Variants in IL6ST observed in about 807,000 individuals in gnomAD.
IL6ST encodes the protein interleukin-6 receptor subunit beta.
A neutral mutation model predicts 91.3 loss-of-function variants in IL6ST; 24 were observed. The observed-to-expected ratio is 0.26, with a 90% CI of 0.19 to 0.37. The LOEUF (loss-of-function observed/expected upper bound fraction) is 0.37, where lower values mean the gene tolerates loss of function less well. Ranked by LOEUF, IL6ST falls within the 10% of genes least tolerant of loss-of-function variation. The pLI, the probability that IL6ST is intolerant of heterozygous loss-of-function variation, is 1.00. For missense variants in IL6ST, 914 were observed against 1,078.5 expected (o/e 0.85, Z 2.14); for synonymous variants, 351 against 373.6 (o/e 0.94, Z 0.70).
rs148369927 is a variant in IL6ST, at chr5:55,940,578, A to T, written c.*504T>A. On this transcript the variant is annotated 3_prime_UTR_variant, in exon 17 of 17. Coordinates refer to ENST00000381298, the MANE Select transcript of IL6ST (RefSeq NM_002184.4). ...CCTCATTTTTTTGTCAGATTACAAA[A>T]GCTGGGCTCATGTAGTTATGGCCTA... The T allele has an allele frequency of 2.1e-3, 455 of 213,778 alleles. 6 individuals carry two copies. Among genetic ancestry groups the T allele is most frequent in the African/African-American group, 8.1e-3 (359 of 44,358 alleles). 13.2% of individuals were successfully genotyped at this position (213,778 alleles called of 1,614,324 possible). A position where few individuals can be genotyped will look rare whatever the true frequency, so the allele number is the denominator to read the frequency against.
At chr5:55,990,387 C>T (rs1253154690) in intron 1 of IL6ST, among the ~76,000 whole-genome samples, 1 of 152,178 alleles carries the variant, frequency 6.6e-6, no homozygotes, top group African/African-American at 2.4e-5. Context: ...TGAATTTCTC[C>T]TATATCCTGG....
chr5:55,944,775 C>G (rs1287220548), intron 15 of IL6ST: 4 of 776,466 alleles, frequency 5.2e-6, no homozygotes, highest in Non-Finnish European at 8.7e-6. Flanking sequence ...GGAGCAGAAA[C>G]ATGGAATGCC....
intron 11 of IL6ST, among the ~76,000 whole-genome samples, chr5:55,952,799 C>G (rs189965573): frequency 6.6e-6 from 1 of 152,282 alleles, no homozygotes; most frequent in Admixed American, 6.5e-5. Context: ...CTGTGGCTCA[C>G]GTCTGTAATC....
chr5:55,954,764 G>T, intron 11 of IL6ST, 46 bp downstream of exon 11: 2 of 1,437,022 alleles, frequency 1.4e-6, no homozygotes, highest in Non-Finnish European at 1.9e-6. Flanking sequence ...GCTGCCTAAA[G>T]AGTTAGAAAA....
At position 55,936,232 on chromosome 5, in the gene IL6ST, C is replaced by T. The variant is rs1370297887; in HGVS notation, c.*4850G>A. 8.9e-6 allele frequency: 2 copies of T among 224,048 alleles called. No homozygotes were observed. Among genetic ancestry groups the T allele is most frequent in the African/African-American group, 4.5e-5 (2 of 44,710 alleles). The allele number at this position is 224,048 out of a possible 1,614,324, so 13.9% of individuals were successfully genotyped here. On this transcript the variant is annotated 3_prime_UTR_variant, in exon 17 of 17. Transcript: ENST00000381298. The stretch of plus-strand genomic sequence containing the variant: ...GATGCCATGTATCAATCTTGAACTT[C>T]AAGTCTCACTGCAACAAGGATGGAG...
chr5:55,989,260 A>G (rs142557341), intron 1 of IL6ST, among the ~76,000 whole-genome samples: 106 of 152,176 alleles, frequency 7.0e-4, no homozygotes, highest in African/African-American at 2.4e-3. Flanking sequence ...ACTCAAGTGT[A>G]TATAAGAATT....
intron 14 of IL6ST, among the ~76,000 whole-genome samples, chr5:55,947,794 C>T (rs957413355): frequency 2.0e-5 from 3 of 152,034 alleles, no homozygotes; most frequent in East Asian, 3.8e-4. Context: ...CCATTTATGT[C>T]TTATACATTA....
chr5:55,963,553 A>G (rs2111769139), intron 6 of IL6ST, 47 bp from the exon 7 acceptor site: 1 of 1,355,792 alleles, frequency 7.4e-7, no homozygotes. Flanking sequence ...TTCCAATTTC[A>G]TATACAAACT....
In IL6ST at chr5:55,938,700, T is replaced by A. The variant is rs1472551534; in HGVS notation, c.*2382A>T. The A allele has an allele frequency of 1.0e-5, 2 of 199,296 alleles. No homozygotes were observed. The highest frequency in any genetic ancestry group is 2.1e-5 in the Non-Finnish European group (2 of 96,542). 12.3% of individuals were successfully genotyped at this position (199,296 alleles called of 1,614,324 possible). On this transcript the variant is annotated 3_prime_UTR_variant, in exon 17 of 17. Coordinates refer to ENST00000381298, the MANE Select transcript of IL6ST (RefSeq NM_002184.4). Reference sequence around the variant, plus strand: ...CTACCTAAAGTACAATTTACATGCATCAACACATAGATTATTCTAAGACAT... The same window carrying A: ...CTACCTAAAGTACAATTTACATGCAACAACACATAGATTATTCTAAGACAT...
At chr5:55,976,380 G>T in intron 2 of IL6ST, 87 bp from the exon 3 acceptor site, 1 of 621,202 alleles carries the variant, frequency 1.6e-6, no homozygotes, top group Non-Finnish European at 2.6e-6. Context: ...CCATGCTGTA[G>T]CTGTGTTTCT....
Position 55,938,914 on chromosome 5 carries a change from G to GTTA in IL6ST, c.*2167_*2168insTAA. ...GGGGTATATTCACTCACTGTACCAT[G>GTTA]TTTTATACAGGCTTCAACATGCAAA... On this transcript the variant is annotated 3_prime_UTR_variant, in exon 17 of 17. Transcript: ENST00000381298. 1 of 203,130 alleles carries GTTA rather than the reference G, an allele frequency of 4.9e-6. No individual in the cohort carries two copies. The highest frequency in any genetic ancestry group is 1.0e-5 in the Non-Finnish European group (1 of 98,890). 12.6% of individuals were successfully genotyped at this position (203,130 alleles called of 1,614,324 possible). A position where few individuals can be genotyped will look rare whatever the true frequency, so the allele number is the denominator to read the frequency against.
chr5:55,944,948 A>T (rs1751147941), intron 15 of IL6ST, among the ~76,000 whole-genome samples: 2 of 151,500 alleles, frequency 1.3e-5, no homozygotes, highest in Non-Finnish European at 2.9e-5. Context: ...TGGACCTGTG[A>T]CATTCTGGAC....
At chr5:55,989,030 G>A (rs1754157913) in intron 1 of IL6ST, among the ~76,000 whole-genome samples, 1 of 151,494 alleles carries the variant, frequency 6.6e-6, no homozygotes, top group Non-Finnish European at 1.5e-5. Context: ...GGAAGCTGAG[G>A]TGGGACAACC....
intron 3 of IL6ST, 119 bp from the exon 4 acceptor site, chr5:55,969,974 A>T: frequency 1.7e-6 from 1 of 592,512 alleles, no homozygotes; most frequent in Admixed American, 2.8e-5. Context: ...CCCTAAAGAC[A>T]CAGAAAAAGA....
At chr5:55,984,563 A>C (rs1753849889) in intron 1 of IL6ST, among the ~76,000 whole-genome samples, 1 of 152,230 alleles carries the variant, frequency 6.6e-6, no homozygotes, top group African/African-American at 2.4e-5. Flanking sequence ...GGAGAGGCAA[A>C]GGAAGATTCT....
chr5:55,969,249 G>A (rs191128515), intron 4 of IL6ST, among the ~76,000 whole-genome samples: 2 of 151,954 alleles, frequency 1.3e-5, no homozygotes, highest in Non-Finnish European at 1.5e-5. Flanking sequence ...TGCTTTACAC[G>A]TGCATTTTCT....
intron 6 of IL6ST, 82 bp downstream of exon 6, chr5:55,964,064 A>C: frequency 1.5e-6 from 1 of 669,012 alleles, no homozygotes; most frequent in Non-Finnish European, 2.3e-6. Context: ...TTAAAATCTT[A>C]AAAAATCTAA....
At chr5:55,965,471 T>C (rs1752576012) in intron 5 of IL6ST, among the ~76,000 whole-genome samples, 1 of 152,212 alleles carries the variant, frequency 6.6e-6, no homozygotes, top group South Asian at 2.1e-4. Flanking sequence ...AAACATGTCC[T>C]AGCTCTTTCG....
chr5:55,950,091 A>C (rs1422067184), intron 14 of IL6ST: 3 of 405,296 alleles, frequency 7.4e-6, no homozygotes, highest in Non-Finnish European at 1.5e-5. Context: ...CTTGACACTC[A>C]GCTTATGTGA....
Sources: allele counts gnomAD v4.1 joint callset (sites outside exome capture counted in the v4.1 genomes callset), GRCh38; gene constraint gnomAD v4.1.1; transcripts MANE v1.5; gene names NCBI Gene and HGNC (gene_info 2026-07-23, HGNC 2026-07-21).